The following SERPINB8 variants were observed in gnomAD, a reference collection of about 807,000 sequenced individuals.
SERPINB8 encodes serpin B8.
SERPINB8 carries 25 observed loss-of-function variants against 35.3 expected under a neutral mutation model. That is an observed-to-expected ratio of 0.71 (90% confidence interval 0.52 to 0.99). The LOEUF (loss-of-function observed/expected upper bound fraction) is 0.99. Ranked by LOEUF, SERPINB8 falls within the 50% of genes least tolerant of loss-of-function variation. The pLI is 0.00. For synonymous variants in SERPINB8, 186 were observed against 160.8 expected, an observed-to-expected ratio of 1.16 and a Z score of -1.19; for missense variants, 484 against 446.5, an observed-to-expected ratio of 1.08 and a Z score of -0.76.
At chr18:63,995,411 C>A (rs1033442755) in intron 1 of SERPINB8, among the ~76,000 whole-genome samples, 2 of 152,180 alleles carry the variant, frequency 1.3e-5, no homozygotes, top group African/African-American at 4.8e-5. Context: ...TCCCTGGCAC[C>A]AGGATGAGGG....
chr18:63,993,611 TTG>T (rs1568281982), downstream of SERPINB8, among the ~76,000 whole-genome samples: 1 of 152,232 alleles, frequency 6.6e-6, no homozygotes, highest in Non-Finnish European at 1.5e-5. Flanking sequence ...ATTACCAATG[TTG>T]TGTCTGCCTG....
At chr18:63,974,288 C>T (rs1461622721) in intron 1 of SERPINB8, among the ~76,000 whole-genome samples, 9 of 152,100 alleles carry the variant, frequency 5.9e-5, no homozygotes, top group Non-Finnish European at 8.8e-5. Context: ...CAGTGATTAA[C>T]GCATTTATTT....
intron 7 of SERPINB8, among the ~76,000 whole-genome samples, chr18:64,011,598 G>T (rs2050926198): frequency 6.6e-6 from 1 of 152,090 alleles, no homozygotes; most frequent in Non-Finnish European, 1.5e-5. Flanking sequence ...CTATATTGTT[G>T]TCACCGCAAG....
rs1240151829 is a variant in SERPINB8, at chr18:63,988,043, C to A, written c.*765C>A. 2 of 152,174 alleles carry A rather than the reference C, an allele frequency of 1.3e-5. No homozygotes were observed. The highest frequency in any genetic ancestry group is 2.9e-5 in the Non-Finnish European group (2 of 68,024). The allele number at this position is 152,174 out of a possible 1,614,324, so 9.4% of individuals were successfully genotyped here. ...AGCACACCCCTTAGTTAAGAAAGAA[C>A]CTCCATATACATTAATTTTTTTCTG... On this transcript the variant is annotated 3_prime_UTR_variant, in exon 7 of 7. Transcript: ENST00000397985.
At chr18:64,009,477 C>G (rs1355349346), downstream of SERPINB8, among the ~76,000 whole-genome samples, 1 of 152,190 alleles carries the variant, frequency 6.6e-6, no homozygotes, top group Non-Finnish European at 1.5e-5. Context: ...ATGGTGTGTA[C>G]ACAGGGATAG....
intron 6 of SERPINB8, 47 bp from the exon 7 acceptor site, chr18:63,986,827 A>T (rs1314996075): frequency 6.5e-7 from 1 of 1,527,140 alleles, no homozygotes; most frequent in East Asian, 2.3e-5. Flanking sequence ...TGTGGGTATC[A>T]GGCTATTGTC....
At chr18:63,970,487 G>C (rs2050451036) in intron 1 of SERPINB8, 1 of 152,702 alleles carries the variant, frequency 6.5e-6, no homozygotes, top group South Asian at 2.0e-4. Flanking sequence ...TGCCCCTGGA[G>C]AGGGAGCGTC....
rs1599118846 is a variant in SERPINB8 at position 63,970,127 on chromosome 18, A to G, written c.-54A>G. ...TCTACAAAGGAGGAATAGTCAAAGC[A>G]GCAGCGGCGGCGGCGGCGGCGGCAG... On this transcript the variant is annotated 5_prime_UTR_variant, in exon 1 of 7. Coordinates refer to ENST00000397985, the MANE Select transcript of SERPINB8 (RefSeq NM_002640.4). 1 of 319,922 alleles carries G rather than the reference A, an allele frequency of 3.1e-6. No homozygotes were observed. The highest frequency in any genetic ancestry group is 2.3e-5 in the South Asian group (1 of 43,456). 19.8% of individuals were successfully genotyped at this position (319,922 alleles called of 1,614,324 possible).
chr18:63,994,978 G>T (rs1435071158), intron 1 of SERPINB8, among the ~76,000 whole-genome samples: 1 of 152,142 alleles, frequency 6.6e-6, no homozygotes, highest in African/African-American at 2.4e-5. Context: ...TGACTATCCG[G>T]CGCCCTCTAC....
chr18:63,971,666 C>T (rs991691817), intron 1 of SERPINB8, among the ~76,000 whole-genome samples: 1 of 152,210 alleles, frequency 6.6e-6, no homozygotes, highest in African/African-American at 2.4e-5. Context: ...TGGTGGCCTA[C>T]GCGCCAGCTC....
At chr18:63,973,823 T>C (rs1374467851) in intron 1 of SERPINB8, among the ~76,000 whole-genome samples, 1 of 152,232 alleles carries the variant, frequency 6.6e-6, no homozygotes, top group African/African-American at 2.4e-5. Flanking sequence ...TTCTGAGGCC[T>C]CTGTTCTGCT....
In SERPINB8 at chr18:63,987,242, C is replaced by T; in HGVS notation, c.1089C>T (p.Asn363=). ...TCTTCATCAGGCACCACAAAACCAA[C>T]TGCATCTTGTTCTGTGGCAGGTTCT... The part of the protein sequence containing the change: ...FLFFIRHHKT[N]CILFCGRFSS... The change falls in exon 7 of 7, where the codon AAC becomes AAT. Residue 363 remains asparagine (N), a synonymous_variant. Transcript: ENST00000397985. 6.2e-7 allele frequency: 1 copy of T among 1,613,982 alleles called. No individual in the cohort carries two copies. The highest frequency in any genetic ancestry group is 2.2e-5 in the East Asian group (1 of 44,876).
chr18:63,996,289 C>T lies in SERPINB8; in HGVS notation c.71-8530C>T, dbSNP rs185659950. The stretch of plus-strand genomic sequence containing the variant: ...CCATACAGTAGCTCTGTCTGGCCTG[C>T]GCACATGGCCTCAGGTACCTGGTGA... On this transcript the variant is annotated intron_variant, in intron 1 of 1. Transcript: ENST00000493661. Among the ~76,000 whole-genome samples, 31 of 152,318 alleles carry T rather than the reference C, an allele frequency of 2.0e-4. 1 individual carries two copies. Among genetic ancestry groups the T allele is most frequent in the East Asian group, 1.2e-3 (6 of 5,176 alleles).
At chr18:64,011,143 G>T (rs1568082576) in intron 7 of SERPINB8, among the ~76,000 whole-genome samples, 1 of 151,890 alleles carries the variant, frequency 6.6e-6, no homozygotes, top group Non-Finnish European at 1.5e-5. Flanking sequence ...CCTACTAAAA[G>T]ACAAAAATCT....
chr18:63,976,349 T>C (rs77321459), intron 1 of SERPINB8, among the ~76,000 whole-genome samples: 1 of 152,188 alleles, frequency 6.6e-6, no homozygotes, highest in Non-Finnish European at 1.5e-5. Context: ...GTAGGACTTA[T>C]AATAATGCAC....
chr18:63,994,251 G>T (rs765023904), downstream of SERPINB8, among the ~76,000 whole-genome samples: 1 of 151,996 alleles, frequency 6.6e-6, no homozygotes, highest in African/African-American at 2.4e-5. Context: ...GCAAATAAAA[G>T]CTTGACTGTT....
intron 1 of SERPINB8, among the ~76,000 whole-genome samples, chr18:64,002,288 T>A (rs1464319827): frequency 6.6e-6 from 1 of 152,094 alleles, no homozygotes; most frequent in East Asian, 1.9e-4. Flanking sequence ...GTATATGGGG[T>A]CAGGAATGCT....
Position 63,985,085 on chromosome 18 carries a change from T to G in SERPINB8, c.568-8T>G, listed in dbSNP as rs1309678505. ...TTTTCAGTAATCGAACTTTAATTTT[T>G]CCGTTAGGAAAAAAAGACAGTGCAG... On this transcript the variant is annotated splice_region_variant and splice_polypyrimidine_tract_variant and intron_variant, in intron 5 of 6. Coordinates refer to ENST00000397985, the MANE Select transcript of SERPINB8 (RefSeq NM_002640.4). The G allele has an allele frequency of 6.2e-7, 1 of 1,612,722 alleles. No homozygotes were observed. Among genetic ancestry groups the G allele is most frequent in the Admixed American group, 1.7e-5 (1 of 59,794 alleles).
At chr18:63,992,577 T>C (rs986872764), downstream of SERPINB8, among the ~76,000 whole-genome samples, 9 of 152,248 alleles carry the variant, frequency 5.9e-5, no homozygotes, top group African/African-American at 2.2e-4. Flanking sequence ...TTTTCACTAT[T>C]GTTTTTCTGT....
Sources: gnomAD v4.1 joint callset for allele counts (sites outside exome capture counted in the v4.1 genomes callset) on GRCh38, gnomAD v4.1.1 for gene constraint, MANE v1.5 for transcripts, NCBI Gene and HGNC (gene_info 2026-07-23, HGNC 2026-07-21) for gene names.